Variants in SNRNP48 observed in about 807,000 individuals in gnomAD.
SNRNP48 encodes the protein small nuclear ribonucleoprotein U11/U12 subunit 48.
SNRNP48 carries 43 observed loss-of-function variants against 47.0 expected under a neutral mutation model. The observed-to-expected ratio is 0.92, with a 90% CI of 0.72 to 1.18. SNRNP48 has a LOEUF of 1.18. Ranked by LOEUF, SNRNP48 falls within the 50% of genes most tolerant of loss-of-function variation. The pLI is 0.00. For synonymous variants in SNRNP48, 138 were observed against 144.0 expected, an observed-to-expected ratio of 0.96 and a Z score of 0.30; for missense variants, 396 against 422.2, an observed-to-expected ratio of 0.94 and a Z score of 0.54.
At position 7,610,242 on chromosome 6, in the gene SNRNP48, A is replaced by G. The variant is rs910838782; in HGVS notation, c.*1369A>G. ...GAAATGAAATCTTATTATTTTAATAAGTAGCTGACAGTGACAGAAAGATTG... is the reference window on the plus strand; with the variant it reads ...GAAATGAAATCTTATTATTTTAATAGGTAGCTGACAGTGACAGAAAGATTG... On this transcript the variant is annotated 3_prime_UTR_variant, in exon 9 of 9. Transcript: ENST00000342415. 32 of 152,228 alleles carry G rather than the reference A, an allele frequency of 2.1e-4. No homozygotes were observed. The highest frequency in any genetic ancestry group is 7.5e-4 in the African/African-American group (31 of 41,460). The allele number at this position is 152,228 out of a possible 1,614,324, so 9.4% of individuals were successfully genotyped here. A position where few individuals can be genotyped will look rare whatever the true frequency, so the allele number is the denominator to read the frequency against.
chr6:7,591,578 G>C (rs1398013421), intron 1 of SNRNP48, among the ~76,000 whole-genome samples: 3 of 152,000 alleles, frequency 2.0e-5, no homozygotes, highest in Admixed American at 6.6e-5. Context: ...CATTTAGAGG[G>C]GTATTTGAAG....
chr6:7,591,156 G>A (rs563064654), intron 1 of SNRNP48, among the ~76,000 whole-genome samples: 9 of 152,276 alleles, frequency 5.9e-5, no homozygotes, highest in African/African-American at 2.2e-4. Context: ...AGGAGAGCTG[G>A]GAGTTTGCCA....
chr6:7,607,511 G>A (rs1415962615), intron 8 of SNRNP48, among the ~76,000 whole-genome samples: 4 of 152,084 alleles, frequency 2.6e-5, no homozygotes, highest in Non-Finnish European at 4.4e-5. Context: ...TTCCACTTTT[G>A]TGTTCTGCTG....
chr6:7,606,741 G>A (rs1760136127), intron 8 of SNRNP48, among the ~76,000 whole-genome samples: 1 of 152,168 alleles, frequency 6.6e-6, no homozygotes, highest in African/African-American at 2.4e-5. Flanking sequence ...TACAAGGCAT[G>A]TACCTGGATC....
At position 7,590,199 on chromosome 6, in the gene SNRNP48, G is replaced by C; in HGVS notation, c.-59G>C. On this transcript the variant is annotated 5_prime_UTR_variant, in exon 1 of 9. Transcript: ENST00000342415. ...ACTGTGGCCCCGCCCACAGCTCCCAGAGGCCTGCGCGTGCGGTCTGCAGTT... is the reference window on the plus strand; with the variant it reads ...ACTGTGGCCCCGCCCACAGCTCCCACAGGCCTGCGCGTGCGGTCTGCAGTT... The C allele has an allele frequency of 7.9e-7, 1 of 1,259,910 alleles. No homozygotes were observed. Among genetic ancestry groups the C allele is most frequent in the Middle Eastern group, 3.1e-4 (1 of 3,256 alleles). The allele number at this position is 1,259,910 out of a possible 1,614,324, so 78.0% of individuals were successfully genotyped here.
intron 8 of SNRNP48, 27 bp from the exon 9 acceptor site, chr6:7,608,798 C>A: frequency 7.1e-7 from 1 of 1,414,404 alleles, no homozygotes; most frequent in Non-Finnish European, 9.6e-7. Context: ...CATTTATAAC[C>A]ATTTTTTTAT....
chr6:7,609,043 A>C lies in SNRNP48; in HGVS notation c.*170A>C. 2.8e-6 allele frequency: 1 copy of C among 355,726 alleles called. No individual in the cohort carries two copies. The highest frequency in any genetic ancestry group is 4.9e-5 in the Admixed American group (1 of 20,314). 22.0% of individuals were successfully genotyped at this position (355,726 alleles called of 1,614,324 possible). ...TTATTTTCCAGTAAATATGCTTCAA[A>C]CCATGAGTACACTATTAGGCCCTAC... On this transcript the variant is annotated 3_prime_UTR_variant, in exon 9 of 9. Coordinates refer to ENST00000342415, the MANE Select transcript of SNRNP48 (RefSeq NM_152551.4).
intron 6 of SNRNP48, 116 bp downstream of exon 6, chr6:7,602,860 C>T (rs2113721263): frequency 1.1e-6 from 1 of 891,768 alleles, no homozygotes; most frequent in Non-Finnish European, 1.6e-6. Flanking sequence ...AGGGTGGCCA[C>T]ACCTGATTTG....
rs1759946767 is a variant in SNRNP48 at position 7,598,362 on chromosome 6, G to A, written c.407-2974G>A. ...ATACAAAAATTAGCCAGGCGCTATG[G>A]TGCGTGCCTGTAATCCCAGCTACTC... On this transcript the variant is annotated intron_variant, in intron 4 of 8. Coordinates refer to ENST00000342415, the MANE Select transcript of SNRNP48 (RefSeq NM_152551.4). Among the ~76,000 whole-genome samples the A allele has an allele frequency of 2.0e-5, 3 of 152,076 alleles. No individual in the cohort carries two copies. The South Asian group carries it at 6.2e-4, about 32-fold the overall frequency.
chr6:7,594,994 TA>T, intron 3 of SNRNP48, 32 bp from the exon 4 acceptor site: 1 of 1,537,116 alleles, frequency 6.5e-7, no homozygotes, highest in East Asian at 2.3e-5. Context: ...TGATGATTCA[TA>T]TTGTATTTAT....
rs1468778678 is a variant in SNRNP48 at position 7,606,104 on chromosome 6, C to G, written c.880C>G (p.Arg294Gly). 1 of 1,612,844 alleles carries G rather than the reference C, an allele frequency of 6.2e-7. No homozygotes were observed. Among genetic ancestry groups the G allele is most frequent in the Non-Finnish European group, 8.5e-7 (1 of 1,179,618 alleles). ...GGSYLDAECS[R>G]HRRDRSRSPH... is the part of the protein sequence containing the mutation. ...AAGCTATTTGGATGCTGAGTGTTCA[C>G]GACATAGAAGGGATAGGAGTAGAAG... Residue 294 changes from arginine (R) to glycine (G), a missense_variant, in exon 8 of 9, where the codon CGA becomes GGA. Arg to Gly is a moderately radical substitution (Grantham distance 125). Coordinates refer to ENST00000342415, the MANE Select transcript of SNRNP48 (RefSeq NM_152551.4).
At chr6:7,591,691 T>C (rs1466222810) in intron 1 of SNRNP48, among the ~76,000 whole-genome samples, 5 of 152,222 alleles carry the variant, frequency 3.3e-5, no homozygotes, top group Non-Finnish European at 7.3e-5. Context: ...AATAGCACTT[T>C]GTTTGCCACT....
intron 4 of SNRNP48, among the ~76,000 whole-genome samples, chr6:7,595,688 T>C (rs1759892699): frequency 6.6e-6 from 1 of 152,212 alleles, no homozygotes; most frequent in Non-Finnish European, 1.5e-5. Context: ...AAGAAAAGGC[T>C]TAGGCTAAAA....
At chr6:7,606,800 C>T (rs759019575) in intron 8 of SNRNP48, among the ~76,000 whole-genome samples, 1 of 152,182 alleles carries the variant, frequency 6.6e-6, no homozygotes, top group Non-Finnish European at 1.5e-5. Context: ...TCAATCTGCT[C>T]CTCTTTCCCC....
At chr6:7,596,691 A>T (rs1438947895) in intron 4 of SNRNP48, among the ~76,000 whole-genome samples, 1 of 152,134 alleles carries the variant, frequency 6.6e-6, no homozygotes, top group African/African-American at 2.4e-5. Flanking sequence ...CCTGTCAGGG[A>T]AATTCCAGGT....
chr6:7,605,336 G>T, intron 6 of SNRNP48, 62 bp from the exon 7 acceptor site: 1 of 1,288,710 alleles, frequency 7.8e-7, no homozygotes, highest in Non-Finnish European at 1.1e-6. Flanking sequence ...TTTTTCTAGC[G>T]TTACAGTCTT....
chr6:7,607,072 A>G (rs1374762786), intron 8 of SNRNP48, among the ~76,000 whole-genome samples: 1 of 152,210 alleles, frequency 6.6e-6, no homozygotes, highest in Non-Finnish European at 1.5e-5. Flanking sequence ...TAATCCCTAC[A>G]CTGTGGGAGG....
chr6:7,610,123 C>T lies in SNRNP48; in HGVS notation c.*1250C>T, dbSNP rs867018081. The T allele has an allele frequency of 9.9e-5, 15 of 152,198 alleles. No homozygotes were observed. The highest frequency in any genetic ancestry group is 3.4e-4 in the African/African-American group (14 of 41,518). 9.4% of individuals were successfully genotyped at this position (152,198 alleles called of 1,614,324 possible). On this transcript the variant is annotated 3_prime_UTR_variant, in exon 9 of 9. Transcript: ENST00000342415. ...GTTCTATCTTATGTCAGATCATTCACGTGAGACTTTGGCATGAAATGTTAA... is the reference window on the plus strand; with the variant it reads ...GTTCTATCTTATGTCAGATCATTCATGTGAGACTTTGGCATGAAATGTTAA...
At chr6:7,600,123 G>T in intron 4 of SNRNP48, 1 of 992,548 alleles carries the variant, frequency 1.0e-6, no homozygotes, top group African/African-American at 1.7e-5. Context: ...ACTTGAAAGG[G>T]AACCCTTTTT....
Sources: gnomAD v4.1 joint callset for allele counts (sites outside exome capture counted in the v4.1 genomes callset) on GRCh38, gnomAD v4.1.1 for gene constraint, MANE v1.5 for transcripts, NCBI Gene and HGNC (gene_info 2026-07-23, HGNC 2026-07-21) for gene names.